Variants in TLE1 observed in about 807,000 individuals in gnomAD.
The protein encoded by TLE1 is TLE family member 1, transcriptional corepressor.
A neutral mutation model predicts 89.8 loss-of-function variants in TLE1; 21 were observed. The observed-to-expected ratio is 0.23, with a 90% CI of 0.17 to 0.34. The LOEUF is 0.34. Ranked by LOEUF, TLE1 falls within the 10% of genes least tolerant of loss-of-function variation. TLE1 has a pLI of 1.00. For synonymous variants in TLE1, 447 were observed against 407.6 expected, an observed-to-expected ratio of 1.10 and a Z score of -1.16; for missense variants, 795 against 1,031.2, an observed-to-expected ratio of 0.77 and a Z score of 3.14.
At chr9:81,638,943 A>G (rs1428113839) in intron 6 of TLE1, among the ~76,000 whole-genome samples, 1 of 150,772 alleles carries the variant, frequency 6.6e-6, no homozygotes, top group African/African-American at 2.4e-5. Flanking sequence ...ATTTTTTTTG[A>G]AGCAAAGTCT....
At chr9:81,664,309 A>T (rs1432396902) in intron 4 of TLE1, among the ~76,000 whole-genome samples, 1 of 152,038 alleles carries the variant, frequency 6.6e-6, no homozygotes, top group Admixed American at 6.6e-5. Flanking sequence ...ACCAAAAATG[A>T]TACACACAAA....
chr9:81,651,662 T>A (rs1829552730), intron 6 of TLE1, among the ~76,000 whole-genome samples: 1 of 152,180 alleles, frequency 6.6e-6, no homozygotes, highest in East Asian at 1.9e-4. Context: ...GATAACTAAA[T>A]GAAATGATAA....
At chr9:81,601,588 T>C (rs1157346288) in intron 14 of TLE1, among the ~76,000 whole-genome samples, 1 of 149,688 alleles carries the variant, frequency 6.7e-6, no homozygotes, top group East Asian at 2.0e-4. Flanking sequence ...AGAACAGCAG[T>C]GCTACAGTGC....
intron 12 of TLE1, among the ~76,000 whole-genome samples, chr9:81,612,727 G>A (rs1256677319): frequency 6.6e-6 from 1 of 152,144 alleles, no homozygotes; most frequent in Non-Finnish European, 1.5e-5. Context: ...ATAATTATCA[G>A]AAACTTTACT....
At chr9:81,635,613 C>A (rs2132387255) in intron 6 of TLE1, among the ~76,000 whole-genome samples, 1 of 152,240 alleles carries the variant, frequency 6.6e-6, no homozygotes, top group East Asian at 1.9e-4. Flanking sequence ...TTAGAAAATT[C>A]TCCAGATTCT....
At chr9:81,664,605 C>T (rs1389103646) in intron 4 of TLE1, among the ~76,000 whole-genome samples, 1 of 151,938 alleles carries the variant, frequency 6.6e-6, no homozygotes, top group Non-Finnish European at 1.5e-5. Context: ...CTCACGCCTA[C>T]AATCCCAGCA....
At chr9:81,616,621 A>G in intron 10 of TLE1, 25 bp downstream of exon 10, 1 of 1,612,826 alleles carries the variant, frequency 6.2e-7, no homozygotes, top group South Asian at 1.1e-5. Context: ...TTCTGAAGAC[A>G]AACTTTGATG....
intron 6 of TLE1, among the ~76,000 whole-genome samples, chr9:81,637,397 T>C (rs1827525473): frequency 1.3e-5 from 2 of 152,144 alleles, no homozygotes; most frequent in South Asian, 4.1e-4. Context: ...GATTCTGATA[T>C]CTTACTGTGA....
Position 81,606,569 on chromosome 9 carries a change from C to G in TLE1, c.1331+3651G>C, listed in dbSNP as rs575610260. On this transcript the variant is annotated intron_variant, in intron 14 of 19. Coordinates refer to ENST00000376499, the MANE Select transcript of TLE1 (RefSeq NM_005077.5). ...GCATGTTTTCACTCATAGGTGGGAG[C>G]TGAACAATGAGAACACTTGGACACA... Among the ~76,000 whole-genome samples the G allele has an allele frequency of 7.8e-4, 119 of 152,088 alleles. 1 individual carries two copies. Among genetic ancestry groups the G allele is most frequent in the Admixed American group, 2.1e-3 (32 of 15,264 alleles).
chr9:81,687,292 G>C lies in TLE1; in HGVS notation c.125+42C>G, dbSNP rs756105408. 15 of 1,552,868 alleles carry C rather than the reference G, an allele frequency of 9.7e-6. No homozygotes were observed. In the East Asian group the frequency reaches 2.5e-4, roughly 26 times the overall value. On this transcript the variant is annotated intron_variant, in intron 2 of 19. Transcript: ENST00000376499. The stretch of plus-strand genomic sequence containing the variant: ...CACCCGGCTGGGTGCAAGGGGCACC[G>C]GGACGCCCGCGACCACTCGCATGGC...
chr9:81,652,206 C>A lies in TLE1; in HGVS notation c.372+8G>T, dbSNP rs1253940816. On this transcript the variant is annotated splice_region_variant and intron_variant, in intron 6 of 19. Transcript: ENST00000376499. ...CACTGTAGGAGGTAGACCTGGTAGG[C>A]CACGTACCCCGATGATGGCATTCAA... The A allele has an allele frequency of 2.5e-6, 4 of 1,613,358 alleles. No individual in the cohort carries two copies. The highest frequency in any genetic ancestry group is 3.3e-5 in the Admixed American group (2 of 59,948).
intron 6 of TLE1, among the ~76,000 whole-genome samples, chr9:81,649,332 CCTCT>C (rs1283500041): frequency 1.3e-5 from 2 of 152,118 alleles, no homozygotes; most frequent in Non-Finnish European, 2.9e-5. Flanking sequence ...AAAAATACAA[CCTCT>C]CTCTGTCTCC....
At chr9:81,602,330 A>G (rs1324599331) in intron 14 of TLE1, among the ~76,000 whole-genome samples, 1 of 152,206 alleles carries the variant, frequency 6.6e-6, no homozygotes, top group Non-Finnish European at 1.5e-5. Flanking sequence ...AACATCCCTT[A>G]TCCAAAATGC....
chr9:81,650,296 C>T (rs900913427), intron 6 of TLE1, among the ~76,000 whole-genome samples: 1 of 152,206 alleles, frequency 6.6e-6, no homozygotes, highest in Non-Finnish European at 1.5e-5. Flanking sequence ...AGGAGATTCA[C>T]AAGAGCTGGG....
intron 14 of TLE1, among the ~76,000 whole-genome samples, chr9:81,602,747 A>C (rs939749094): frequency 6.6e-6 from 1 of 152,200 alleles, no homozygotes; most frequent in African/African-American, 2.4e-5. Flanking sequence ...CAGCAATCTG[A>C]TGAGGAAGGA....
At chr9:81,602,451 T>C (rs1048147628) in intron 14 of TLE1, among the ~76,000 whole-genome samples, 2 of 152,188 alleles carry the variant, frequency 1.3e-5, no homozygotes, top group Admixed American at 6.5e-5. Flanking sequence ...ACAAAATTCA[T>C]TTCTGTTTCA....
At chr9:81,608,593 A>G (rs1239364417) in intron 14 of TLE1, among the ~76,000 whole-genome samples, 1 of 152,182 alleles carries the variant, frequency 6.6e-6, no homozygotes, top group East Asian at 1.9e-4. Context: ...AGGCAAGGGT[A>G]TGACAAAAAC....
Position 81,663,609 on chromosome 9 carries a change from C to T in TLE1, c.235-9573G>A, listed in dbSNP as rs115730846. On this transcript the variant is annotated intron_variant, in intron 4 of 19. Transcript: ENST00000376499. ...CCCTTGCTACCCTAGCAGAGGTATC[C>T]GCACAGAATAGACTTTTTTTTTTTT... Among the ~76,000 whole-genome samples, 904 of 151,568 alleles carry T rather than the reference C, an allele frequency of 6.0e-3. 14 individuals are homozygous for T. The highest frequency in any genetic ancestry group is 0.021 in the African/African-American group (859 of 41,204).
At chr9:81,586,671 A>T (rs1828511671) in intron 17 of TLE1, among the ~76,000 whole-genome samples, 1 of 152,176 alleles carries the variant, frequency 6.6e-6, no homozygotes, top group South Asian at 2.1e-4. Context: ...CATATGGCCA[A>T]ATAACTTCAA....
Sources: gnomAD v4.1 joint callset for allele counts (sites outside exome capture counted in the v4.1 genomes callset) on GRCh38, gnomAD v4.1.1 for gene constraint, MANE v1.5 for transcripts, NCBI Gene and HGNC (gene_info 2026-07-23, HGNC 2026-07-21) for gene names.